Variants in CSF2RA observed in about 807,000 individuals in gnomAD.
The protein encoded by CSF2RA is granulocyte-macrophage colony-stimulating factor receptor subunit alpha.
In CSF2RA, 42 loss-of-function variants were observed where a neutral mutation model predicts 51.6. The observed-to-expected ratio is 0.81, with a 90% CI of 0.64 to 1.05. The LOEUF is 1.05. Ranked by LOEUF, CSF2RA falls within the 50% of genes least tolerant of loss-of-function variation. CSF2RA has a pLI of 0.00. For synonymous variants in CSF2RA, 222 were observed against 193.0 expected (o/e 1.15, Z -1.24); for missense variants, 530 against 501.1 (o/e 1.06, Z -0.55).
intron 9 of CSF2RA, among the ~76,000 whole-genome samples, chrX:1,295,968 A>G (rs1424459943): frequency 1.3e-5 from 2 of 151,008 alleles, no homozygotes; most frequent in Non-Finnish European, 3.0e-5. Context: ...GTAACTCTAC[A>G]GTCCCCTACT....
chrX:1,321,651 G>T, the CSF2RA span, among the ~76,000 whole-genome samples: 2 of 151,792 alleles, frequency 1.3e-5, no homozygotes, highest in African/African-American at 4.8e-5. Context: ...CCATCACCAA[G>T]CGAAATCTTA....
intron 9 of CSF2RA, 63 bp from the exon 10 acceptor site, chrX:1,300,428 A>C: frequency 6.3e-7 from 1 of 1,586,584 alleles, no homozygotes; most frequent in Non-Finnish European, 8.6e-7. Context: ...AAAGAACGAA[A>C]AAAGGCAACC....
chrX:1,280,089 C>A (rs1311563355), intron 2 of CSF2RA, among the ~76,000 whole-genome samples: 3 of 151,994 alleles, frequency 2.0e-5, no homozygotes, highest in Non-Finnish European at 2.9e-5. Flanking sequence ...TGTGCCCGGC[C>A]GAGAGACGCA....
At chrX:1,301,864 C>A (rs1275227557) in intron 10 of CSF2RA, among the ~76,000 whole-genome samples, 2 of 150,872 alleles carry the variant, frequency 1.3e-5, no homozygotes, top group East Asian at 1.9e-4. Flanking sequence ...CCTCGGCCTC[C>A]CAAAGTGCTG....
At chrX:1,301,898 G>A (rs1397883554) in intron 10 of CSF2RA, among the ~76,000 whole-genome samples, 3 of 144,308 alleles carry the variant, frequency 2.1e-5, no homozygotes, top group Non-Finnish European at 4.5e-5. Flanking sequence ...GAGCCACCGT[G>A]CCCGGCCCTC....
At chrX:1,288,969 TTTC>T in intron 6 of CSF2RA, 81 bp downstream of exon 6, 1 of 1,588,890 alleles carries the variant, frequency 6.3e-7, no homozygotes, top group Non-Finnish European at 8.6e-7. Context: ...TTTTTTCCTT[TTTC>T]TTTTTTTAAG....
At chrX:1,316,342 T>C in the CSF2RA span, among the ~76,000 whole-genome samples, 1 of 152,082 alleles carries the variant, frequency 6.6e-6, no homozygotes, top group Non-Finnish European at 1.5e-5. Flanking sequence ...GGGATCTATC[T>C]GCTATTTCTC....
Position 1,294,310 on chromosome X carries a change from C to A in CSF2RA, c.647-18C>A. On this transcript the variant is annotated intron_variant, in intron 7 of 12. Coordinates refer to ENST00000381529, the MANE Select transcript of CSF2RA (RefSeq NM_172245.4). ...GGACCTCTCGGGTTCAGGGGTGTGT[C>A]CTGCGCCCTCGTTACAGAACGATTC... The A allele has an allele frequency of 6.2e-7, 1 of 1,612,700 alleles. No individual in the cohort carries two copies. Among genetic ancestry groups the A allele is most frequent in the South Asian group, 1.1e-5 (1 of 91,006 alleles).
chrX:1,315,896 G>T, the CSF2RA span, among the ~76,000 whole-genome samples: 1 of 151,616 alleles, frequency 6.6e-6, no homozygotes, highest in Non-Finnish European at 1.5e-5. Context: ...GACTCTAGAT[G>T]GATAATAGAT....
At chrX:1,319,335 C>T in the CSF2RA span, among the ~76,000 whole-genome samples, 1 of 148,770 alleles carries the variant, frequency 6.7e-6, no homozygotes, top group Non-Finnish European at 1.5e-5. Flanking sequence ...GCTCCTTTGC[C>T]CAGGCTGGAG....
chrX:1,309,598 C>T lies in CSF2RA; in HGVS notation c.*119C>T. On this transcript the variant is annotated 3_prime_UTR_variant, in exon 13 of 13. Transcript: ENST00000381529. ...TCTATGTTTTTATTTAAAAACATGA[C>T]ATTTGGGGCCAGGCGCGGTGGCTCA... 6.2e-7 allele frequency: 1 copy of T among 1,613,352 alleles called. No homozygotes were observed. The highest frequency in any genetic ancestry group is 8.5e-7 in the Non-Finnish European group (1 of 1,179,422).
the CSF2RA span, among the ~76,000 whole-genome samples, chrX:1,320,179 G>A: frequency 6.6e-6 from 1 of 151,086 alleles, no homozygotes; most frequent in South Asian, 2.1e-4. Flanking sequence ...ACAGGCATGA[G>A]CCACTGCGCC....
intron 1 of CSF2RA, among the ~76,000 whole-genome samples, chrX:1,270,010 G>A (rs1447021993): frequency 6.6e-6 from 1 of 151,882 alleles, no homozygotes. Flanking sequence ...TTGGGAGGCT[G>A]AGGCAGGAGA....
downstream of CSF2RA, among the ~76,000 whole-genome samples, chrX:1,310,782 G>T (rs1418497585): frequency 6.6e-6 from 1 of 152,026 alleles, no homozygotes; most frequent in Non-Finnish European, 1.5e-5. Flanking sequence ...TAGTTTGGTT[G>T]TTTGTCCCTT....
chrX:1,282,614 T>G (rs1276131380), intron 2 of CSF2RA, 64 bp from the exon 3 acceptor site: 5 of 1,192,382 alleles, frequency 4.2e-6, no homozygotes, highest in Non-Finnish European at 6.3e-6. Context: ...CTCCCTGGGG[T>G]CCCCTGCCAG....
At chrX:1,322,038 G>C in the CSF2RA span, among the ~76,000 whole-genome samples, 1 of 152,016 alleles carries the variant, frequency 6.6e-6, no homozygotes. Flanking sequence ...TGGAGGCTGA[G>C]GCAGGAGCAT....
At chrX:1,300,000 G>A (rs1293142929) in intron 9 of CSF2RA, among the ~76,000 whole-genome samples, 14 of 152,080 alleles carry the variant, frequency 9.2e-5, no homozygotes, top group East Asian at 7.8e-4. Context: ...GTCGGATCAC[G>A]AGGTGAGGAG....
intron 3 of CSF2RA, among the ~76,000 whole-genome samples, chrX:1,284,253 G>C (rs2090383923): frequency 6.9e-6 from 1 of 145,242 alleles, no homozygotes; most frequent in Non-Finnish European, 1.5e-5. Flanking sequence ...TCCCAGGCTG[G>C]AGTGCAGTGG....
At chrX:1,315,813 A>AGAT in the CSF2RA span, among the ~76,000 whole-genome samples, 73 of 119,764 alleles carry the variant, frequency 6.1e-4, no homozygotes, top group African/African-American at 2.0e-3. Context: ...ATAGATAGAT[A>AGAT]GATAGATTAG....
Sources: gnomAD v4.1 joint callset for allele counts (sites outside exome capture counted in the v4.1 genomes callset) on GRCh38, gnomAD v4.1.1 for gene constraint, MANE v1.5 for transcripts, NCBI Gene and HGNC (gene_info 2026-07-23, HGNC 2026-07-21) for gene names.